Variants in F8 observed in about 807,000 individuals in gnomAD.
F8 encodes the protein antihemophilic factor.
F8 carries 12 observed loss-of-function variants against 140.6 expected under a neutral mutation model. The observed-to-expected ratio is 0.09, with a 90% CI of 0.05 to 0.14. The LOEUF is 0.14. F8 is among the 10% of genes least tolerant of loss of function. The pLI, the probability that F8 is intolerant of heterozygous loss-of-function variation, is 1.00. For missense variants in F8, 1,354 were observed against 1,720.7 expected (o/e 0.79, Z 3.77); for synonymous variants, 585 against 614.6 (o/e 0.95, Z 0.71).
intron 7 of F8, among the ~76,000 whole-genome samples, chrX:154,968,478 G>A (rs1209735542): frequency 1.8e-5 from 2 of 111,814 alleles, no homozygotes; most frequent in South Asian, 3.7e-4. Context: ...CAATGGCCAC[G>A]AGAGGGGTAG....
chrX:154,987,835 G>A (rs2073567627), intron 4 of F8, among the ~76,000 whole-genome samples: 1 of 111,696 alleles, frequency 9.0e-6, no homozygotes, highest in South Asian at 3.7e-4. Flanking sequence ...CTTGTTTCAT[G>A]CTTTAACTGT....
intron 6 of F8, among the ~76,000 whole-genome samples, chrX:154,975,174 GTTGT>G (rs1426605391): frequency 3.6e-5 from 4 of 110,715 alleles, no homozygotes; most frequent in East Asian, 2.8e-4. Flanking sequence ...GCATCATTAG[GTTGT>G]TTATTTGAGA....
In F8 at chrX:154,880,675, A is replaced by T. The variant is rs143872097; in HGVS notation, c.6429+15402T>A. Among the ~76,000 whole-genome samples the T allele has an allele frequency of 2.8e-3, 319 of 112,305 alleles. 3 individuals are homozygous for T. The highest frequency in any genetic ancestry group is 9.7e-3 in the African/African-American group (301 of 30,956). On this transcript the variant is annotated intron_variant, in intron 22 of 25. Coordinates refer to ENST00000360256, the MANE Select transcript of F8 (RefSeq NM_000132.4). ...AATTTTGTATGCTTTTCTTTTGTTA[A>T]TCTATCTTATTTAAGTCCTAGCTGG...
intron 1 of F8, among the ~76,000 whole-genome samples, chrX:155,018,242 A>ATCC (rs1557287209): frequency 2.7e-5 from 3 of 112,011 alleles, no homozygotes; most frequent in Non-Finnish European, 5.6e-5. Flanking sequence ...CAGAAATCAG[A>ATCC]TCATGTTGAG....
chrX:154,852,866 T>A (rs1387449967), intron 25 of F8, among the ~76,000 whole-genome samples: 1 of 111,414 alleles, frequency 9.0e-6, no homozygotes, highest in Non-Finnish European at 1.9e-5. Context: ...AGAGTGAGAC[T>A]CCGTCTCAAA....
At chrX:154,985,006 C>T (rs1215515701) in intron 5 of F8, among the ~76,000 whole-genome samples, 1 of 112,170 alleles carries the variant, frequency 8.9e-6, no homozygotes, top group African/African-American at 3.2e-5. Flanking sequence ...CTTGCTCAAA[C>T]TGATTTTCTC....
intron 13 of F8, among the ~76,000 whole-genome samples, chrX:154,939,105 T>C (rs1033954860): frequency 2.7e-5 from 3 of 110,761 alleles, no homozygotes; most frequent in Non-Finnish European, 5.7e-5. Flanking sequence ...AGAAGACGGG[T>C]GATTTCTGCA....
chrX:155,019,638 A>G (rs1385450574), intron 1 of F8, among the ~76,000 whole-genome samples: 1 of 110,556 alleles, frequency 9.0e-6, no homozygotes, highest in Admixed American at 9.6e-5. Flanking sequence ...TAAAAAATAT[A>G]CAAAAATTTT....
chrX:154,958,980 C>A (rs1557281425), intron 10 of F8, among the ~76,000 whole-genome samples: 1 of 111,686 alleles, frequency 9.0e-6, no homozygotes, highest in East Asian at 2.8e-4. Context: ...AAAGTTCACC[C>A]TCTATGTACC....
intron 22 of F8, among the ~76,000 whole-genome samples, chrX:154,892,373 T>G (rs1352965285): frequency 2.7e-5 from 3 of 112,470 alleles, no homozygotes; most frequent in Non-Finnish European, 5.6e-5. Context: ...AATCAGGTAA[T>G]GCTACGTTTG....
At chrX:154,966,296 T>A in intron 8 of F8, 130 bp downstream of exon 8, 1 of 932,691 alleles carries the variant, frequency 1.1e-6, no homozygotes, top group Non-Finnish European at 1.5e-6. Context: ...CAAATGTTAA[T>A]ACCCTTGCCA....
rs5986899 is a variant in F8 at position 154,961,190 on chromosome X, A to G, written c.1444-22T>C. ...TAATCTGAAAGTATAAGCGAGATCTAAGATCAAATCCTAAAACGACTAGGA... is the reference window on the plus strand; with the variant it reads ...TAATCTGAAAGTATAAGCGAGATCTGAGATCAAATCCTAAAACGACTAGGA... On this transcript the variant is annotated intron_variant, in intron 9 of 25. Transcript: ENST00000360256. The G allele has an allele frequency of 2.1e-3, 2,182 of 1,048,583 alleles. 23 individuals carry two copies. In the African/African-American group the frequency reaches 0.036, roughly 17 times the overall value. 86.4% of individuals were successfully genotyped at this position (1,048,583 alleles called of 1,213,427 possible). A position where few individuals can be genotyped will look rare whatever the true frequency, so the allele number is the denominator to read the frequency against.
chrX:154,964,244 T>A (rs2073412526), intron 9 of F8, among the ~76,000 whole-genome samples: 1 of 111,732 alleles, frequency 8.9e-6, no homozygotes, highest in African/African-American at 3.3e-5. Flanking sequence ...TATCTATTTT[T>A]AAATTAGCCA....
chrX:154,969,585 G>A, intron 6 of F8, 33 bp from the exon 7 acceptor site: 1 of 1,125,823 alleles, frequency 8.9e-7, no homozygotes. Context: ...CTATGGCTAT[G>A]AAGTAGAGAA....
At chrX:154,994,938 C>G (rs1172892900) in intron 3 of F8, among the ~76,000 whole-genome samples, 1 of 111,941 alleles carries the variant, frequency 8.9e-6, no homozygotes, top group African/African-American at 3.2e-5. Context: ...CAATATGTAT[C>G]TCTATTATAT....
At chrX:154,903,797 T>G in intron 18 of F8, 109 bp downstream of exon 18, 2 of 640,462 alleles carry the variant, frequency 3.1e-6, no homozygotes, top group Non-Finnish European at 5.1e-6. Context: ...CTTAAGAGCA[T>G]GGAGCTTGTC....
At chrX:154,853,561 G>A (rs1006858141) in intron 25 of F8, among the ~76,000 whole-genome samples, 8 of 111,360 alleles carry the variant, frequency 7.2e-5, no homozygotes, top group Non-Finnish European at 1.5e-4. Flanking sequence ...AACTGGAGGT[G>A]CTTTTTTTCT....
chrX:154,848,428 G>A (rs1172500338), intron 25 of F8, among the ~76,000 whole-genome samples: 1 of 112,890 alleles, frequency 8.9e-6, no homozygotes, highest in African/African-American at 3.2e-5. Context: ...GCTGCGGTGG[G>A]CTCCACCAAG....
rs145564895 is a variant in F8 at position 154,852,170 on chromosome X, A to G, written c.6900+8262T>C. Among the ~76,000 whole-genome samples, 42 of 111,348 alleles carry G rather than the reference A, an allele frequency of 3.8e-4. No homozygotes were observed. The East Asian group carries it at 0.011, about 28-fold the overall frequency. On this transcript the variant is annotated intron_variant, in intron 25 of 25. Transcript: ENST00000360256. ...CTGCAGCCTCCACCTCCTGGGCTCA[A>G]GCGATCCTCCTATCCCAGCTTCCCT...
Sources: gnomAD v4.1 joint callset for allele counts (sites outside exome capture counted in the v4.1 genomes callset) on GRCh38, gnomAD v4.1.1 for gene constraint, MANE v1.5 for transcripts, NCBI Gene and HGNC (gene_info 2026-07-23, HGNC 2026-07-21) for gene names.